The following SELENOT variants were observed in gnomAD, a reference collection of about 807,000 sequenced individuals.
SELENOT encodes thioredoxin reductase-like selenoprotein T.
A neutral mutation model predicts 24.3 loss-of-function variants in SELENOT; 9 were observed. The observed-to-expected ratio is 0.37, with a 90% confidence interval of 0.22 to 0.65. The LOEUF (loss-of-function observed/expected upper bound fraction) is 0.65, where lower values mean the gene tolerates loss of function less well. Among genes scored for constraint, SELENOT ranks in the 30% least tolerant of loss-of-function variants. SELENOT has a pLI of 0.60. For synonymous variants in SELENOT, 81 were observed against 86.0 expected (o/e 0.94, Z 0.32); for missense variants, 166 against 247.6 (o/e 0.67, Z 2.21).
intron 1 of SELENOT, among the ~76,000 whole-genome samples, chr3:150,619,429 A>G (rs1389711143): frequency 6.7e-6 from 1 of 149,272 alleles, no homozygotes; most frequent in African/African-American, 2.5e-5. Flanking sequence ...CCAGCTATTC[A>G]GGAGACTGAG....
rs551636552 is a variant in SELENOT at position 150,619,119 on chromosome 3, G to A, written c.138-3266G>A. On this transcript the variant is annotated intron_variant, in intron 1 of 5. Coordinates refer to ENST00000471696, the MANE Select transcript of SELENOT (RefSeq NM_016275.5). ...GCCTGTAGTCTCAGCTACTGGGGAA[G>A]CTGAGGCAGGAGAATGGCGTGAACC... Among the ~76,000 whole-genome samples, 11 of 151,006 alleles carry A rather than the reference G, an allele frequency of 7.3e-5. No homozygotes were observed. In the South Asian group the frequency reaches 2.3e-3, roughly 31 times the overall value.
intron 3 of SELENOT, 22 bp from the exon 4 acceptor site, chr3:150,624,790 G>A (rs1476754856): frequency 4.1e-6 from 6 of 1,457,810 alleles, no homozygotes; most frequent in Non-Finnish European, 4.7e-6. Flanking sequence ...TGCCTGTTGT[G>A]CTTAATTATA....
At chr3:150,611,263 T>G in intron 1 of SELENOT, 1 of 1,239,082 alleles carries the variant, frequency 8.1e-7, no homozygotes, top group South Asian at 1.3e-5. Flanking sequence ...CCACATCTAG[T>G]GAACACCACT....
At chr3:150,604,627 C>T (rs1725916452) in intron 1 of SELENOT, among the ~76,000 whole-genome samples, 1 of 152,140 alleles carries the variant, frequency 6.6e-6, no homozygotes, top group African/African-American at 2.4e-5. Flanking sequence ...GAAGACCAAG[C>T]AAACCTTTAA....
At position 150,613,337 on chromosome 3, in the gene SELENOT, A is replaced by G. The variant is rs114459693; in HGVS notation, c.138-9048A>G. ...GTTGCATTAGGATTATTTTCATCCT[A>G]TGCTTTTTGTAGGACATATTCAAAC... On this transcript the variant is annotated intron_variant, in intron 1 of 5. Transcript: ENST00000471696. Among the ~76,000 whole-genome samples, 1,408 of 152,328 alleles carry G rather than the reference A, an allele frequency of 9.2e-3. 21 individuals carry two copies. The highest frequency in any genetic ancestry group is 0.013 in the Non-Finnish European group (868 of 68,026).
intron 3 of SELENOT, among the ~76,000 whole-genome samples, chr3:150,624,154 T>C (rs1726395002): frequency 6.6e-6 from 1 of 152,148 alleles, no homozygotes; most frequent in African/African-American, 2.4e-5. Flanking sequence ...AATGGTAGAG[T>C]AATTCCTATA....
intron 1 of SELENOT, among the ~76,000 whole-genome samples, chr3:150,609,499 A>G (rs1726037227): frequency 6.6e-6 from 1 of 151,994 alleles, no homozygotes; most frequent in Non-Finnish European, 1.5e-5. Flanking sequence ...ACAGGCGCGC[A>G]CTACATGCCT....
rs942061710 is a variant in SELENOT, at chr3:150,621,277, C to G, written c.138-1108C>G. ...ACTTACCGTTCCCTCACACCCCCCC[C>G]AAAAAACACAGGTTTTCTTAAATTG... On this transcript the variant is annotated intron_variant, in intron 1 of 5. Coordinates refer to ENST00000471696, the MANE Select transcript of SELENOT (RefSeq NM_016275.5). Among the ~76,000 whole-genome samples, 131 of 152,182 alleles carry G rather than the reference C, an allele frequency of 8.6e-4. 1 individual carries two copies. The highest frequency in any genetic ancestry group is 2.3e-3 in the South Asian group (11 of 4,820).
intron 1 of SELENOT, among the ~76,000 whole-genome samples, chr3:150,609,242 C>T (rs1576529939): frequency 1.3e-5 from 2 of 152,184 alleles, no homozygotes; most frequent in South Asian, 2.1e-4. Flanking sequence ...GCCTGGCCTC[C>T]GTGCCTCTAC....
At chr3:150,606,014 A>G (rs1006874012) in intron 1 of SELENOT, among the ~76,000 whole-genome samples, 1 of 152,160 alleles carries the variant, frequency 6.6e-6, no homozygotes, top group Non-Finnish European at 1.5e-5. Context: ...CTATACCTCA[A>G]TATATCACCT....
chr3:150,603,545 C>G (rs372070229), intron 1 of SELENOT, 46 bp downstream of exon 1: 29 of 1,540,302 alleles, frequency 1.9e-5, no homozygotes, highest in Non-Finnish European at 2.5e-5. Context: ...CGCCTCTGCT[C>G]GGCGCCATTG....
intron 1 of SELENOT, chr3:150,611,278 A>T: frequency 7.8e-7 from 1 of 1,282,692 alleles, no homozygotes; most frequent in Non-Finnish European, 1.1e-6. Context: ...ACCACTATCA[A>T]CCTTGAGATC....
intron 1 of SELENOT, among the ~76,000 whole-genome samples, chr3:150,620,840 G>T (rs547926704): frequency 4.6e-5 from 7 of 152,126 alleles, no homozygotes; most frequent in Admixed American, 1.3e-4. Flanking sequence ...TAAAACAAAA[G>T]CAATATTAAA....
At chr3:150,614,188 A>G (rs545769488) in intron 1 of SELENOT, among the ~76,000 whole-genome samples, 1 of 152,304 alleles carries the variant, frequency 6.6e-6, no homozygotes, top group South Asian at 2.1e-4. Flanking sequence ...TAAAACTTTT[A>G]TTCAAGTTAG....
rs1476930207 is a variant in SELENOT at position 150,629,361 on chromosome 3, T to A, written c.*1732T>A. ...TATTCAAGTTCCTTAGAAATTGTTA[T>A]TTAGGTATAATATCATCTTGTCTTT... On this transcript the variant is annotated 3_prime_UTR_variant, in exon 6 of 6. Coordinates refer to ENST00000471696, the MANE Select transcript of SELENOT (RefSeq NM_016275.5). 6.6e-6 allele frequency: 1 copy of A among 152,656 alleles called. No homozygotes were observed. The highest frequency in any genetic ancestry group is 2.4e-5 in the African/African-American group (1 of 41,462). 9.5% of individuals were successfully genotyped at this position (152,656 alleles called of 1,614,324 possible).
At position 150,604,241 on chromosome 3, in the gene SELENOT, C is replaced by T. The variant is rs146163979; in HGVS notation, c.137+742C>T. ...CTACCTTTCAGTTGTCTTGTGTATCCAGCAGATCTCGGCAGTTTTCGACAG... is the reference window on the plus strand; with the variant it reads ...CTACCTTTCAGTTGTCTTGTGTATCTAGCAGATCTCGGCAGTTTTCGACAG... On this transcript the variant is annotated intron_variant, in intron 1 of 5. Transcript: ENST00000471696. 3.6e-3 allele frequency among the ~76,000 whole-genome samples: 550 copies of T among 152,298 alleles called. 5 individuals are homozygous for T. Among genetic ancestry groups the T allele is most frequent in the African/African-American group, 0.013 (531 of 41,556 alleles).
chr3:150,610,947 G>A (rs1373272944), intron 1 of SELENOT, among the ~76,000 whole-genome samples: 1 of 151,618 alleles, frequency 6.6e-6, no homozygotes, highest in East Asian at 1.9e-4. Flanking sequence ...CAGTGAGAGA[G>A]CTGATTTCCT....
chr3:150,614,415 T>G (rs1447131464), intron 1 of SELENOT, among the ~76,000 whole-genome samples: 2 of 151,778 alleles, frequency 1.3e-5, no homozygotes, highest in Non-Finnish European at 2.9e-5. Context: ...AGGTGGGTTT[T>G]TTTTTTTTTT....
chr3:150,625,582 A>C (rs2108015194), intron 4 of SELENOT, among the ~76,000 whole-genome samples: 1 of 152,146 alleles, frequency 6.6e-6, no homozygotes, highest in East Asian at 1.9e-4. Context: ...CATTCTCTAA[A>C]CCAAGGGTTG....
Sources: gnomAD v4.1 joint callset for allele counts (sites outside exome capture counted in the v4.1 genomes callset) on GRCh38, gnomAD v4.1.1 for gene constraint, MANE v1.5 for transcripts, NCBI Gene and HGNC (gene_info 2026-07-23, HGNC 2026-07-21) for gene names.